The following SORBS2 variants were observed in gnomAD, a reference collection of about 807,000 sequenced individuals.
SORBS2 encodes sorbin and SH3 domain-containing protein 2.
A neutral mutation model predicts 97.7 loss-of-function variants in SORBS2; 46 were observed. The observed-to-expected ratio is 0.47, with a 90% CI of 0.37 to 0.60. The LOEUF (loss-of-function observed/expected upper bound fraction) is 0.60, where lower values mean the gene tolerates loss of function less well. SORBS2 is among the 20% of genes least tolerant of loss of function. The pLI is 0.00. For synonymous variants in SORBS2, 476 were observed against 473.4 expected, an observed-to-expected ratio of 1.01 and a Z score of -0.07; for missense variants, 1,316 against 1,282.3, an observed-to-expected ratio of 1.03 and a Z score of -0.40.
chr4:185,922,386 G>T (rs748679393), intron 1 of SORBS2, among the ~76,000 whole-genome samples: 7 of 152,138 alleles, frequency 4.6e-5, no homozygotes, highest in African/African-American at 1.2e-4. Context: ...TCTGGCTTTG[G>T]CACTGAGCAA....
chr4:185,830,743 C>A (rs2099204659), intron 1 of SORBS2, among the ~76,000 whole-genome samples: 1 of 152,154 alleles, frequency 6.6e-6, no homozygotes, highest in African/African-American at 2.4e-5. Context: ...CACCATTTGG[C>A]TAAGATTCTT....
chr4:185,923,444 C>G (rs925219434), intron 1 of SORBS2, among the ~76,000 whole-genome samples: 3 of 137,248 alleles, frequency 2.2e-5, no homozygotes, highest in Admixed American at 7.3e-5. Context: ...AGACATGCCA[C>G]CATGCTTGGC....
chr4:185,952,378 G>A lies in SORBS2; in HGVS notation c.-338+3818C>T, dbSNP rs149925502. Among the ~76,000 whole-genome samples the A allele has an allele frequency of 2.0e-5, 3 of 152,272 alleles. No individual in the cohort carries two copies. In the East Asian group the frequency reaches 5.8e-4, roughly 29 times the overall value. On this transcript the variant is annotated intron_variant, in intron 1 of 20. Transcript: ENST00000284776. ...ACCTCCAGGTGTTTGCATTTCAGTGGGATTAAAGGTGGTACTGAGGCCTGG... is the reference window on the plus strand; with the variant it reads ...ACCTCCAGGTGTTTGCATTTCAGTGAGATTAAAGGTGGTACTGAGGCCTGG...
chr4:185,639,309 G>T (rs1004404568), intron 4 of SORBS2, among the ~76,000 whole-genome samples: 4 of 152,226 alleles, frequency 2.6e-5, no homozygotes, highest in Non-Finnish European at 1.5e-5. Context: ...GGATGGCGGG[G>T]AAGGGGAGGG....
At chr4:185,716,612 C>T (rs2098467145) in intron 2 of SORBS2, among the ~76,000 whole-genome samples, 3 of 151,910 alleles carry the variant, frequency 2.0e-5, no homozygotes, top group Admixed American at 1.3e-4. Flanking sequence ...TTTTTAAGGG[C>T]GTCTACTAAA....
Position 185,751,398 on chromosome 4 carries a change from A to C in SORBS2, c.-198+23829T>G, listed in dbSNP as rs149603650. On this transcript the variant is annotated intron_variant, in intron 2 of 20. Transcript: ENST00000284776. ...AGATGAGACAAAGTGAGAAGAGATG[A>C]GACAAAGCAAGATGACAGAAGTTTG... Among the ~76,000 whole-genome samples the C allele has an allele frequency of 1.8e-3, 274 of 152,256 alleles. 1 individual carries two copies. Among genetic ancestry groups the C allele is most frequent in the African/African-American group, 6.3e-3 (263 of 41,550 alleles).
intron 4 of SORBS2, chr4:185,665,689 C>T (rs1181916656): frequency 3.3e-6 from 3 of 900,246 alleles, no homozygotes; most frequent in East Asian, 2.4e-4. Flanking sequence ...ACAAATCAGT[C>T]CTTTCAAGGA....
intron 1 of SORBS2, among the ~76,000 whole-genome samples, chr4:185,831,839 A>C (rs964386107): frequency 6.6e-6 from 1 of 152,184 alleles, no homozygotes; most frequent in Non-Finnish European, 1.5e-5. Context: ...GACTGAACTG[A>C]GGCAAAACTG....
intron 4 of SORBS2, among the ~76,000 whole-genome samples, chr4:185,664,429 T>C (rs183420089): frequency 6.6e-6 from 1 of 152,340 alleles, no homozygotes; most frequent in Admixed American, 6.5e-5. Flanking sequence ...TGATACCCTC[T>C]CACTGCCTTC....
chr4:185,783,840 C>T (rs1008953547), intron 1 of SORBS2, among the ~76,000 whole-genome samples: 2 of 152,162 alleles, frequency 1.3e-5, no homozygotes, highest in Admixed American at 6.5e-5. Flanking sequence ...GGATCATTTT[C>T]AGTTTGAGGT....
intron 2 of SORBS2, among the ~76,000 whole-genome samples, chr4:185,692,417 AT>A (rs2098114383): frequency 6.6e-6 from 1 of 152,202 alleles, no homozygotes; most frequent in Non-Finnish European, 1.5e-5. Context: ...ATAAATAAAG[AT>A]TTTTTAGTCT....
chr4:185,734,493 G>A lies in SORBS2; in HGVS notation c.-198+40734C>T, dbSNP rs1157339781. Among the ~76,000 whole-genome samples, 5 of 152,262 alleles carry A rather than the reference G, an allele frequency of 3.3e-5. No individual in the cohort carries two copies. In the East Asian group the frequency reaches 9.7e-4, roughly 29 times the overall value. ...CCTCATGGTTGGTTTTGCTGATTCA[G>A]TTCCTCTTTCCTTGCCCCCTATTTC... On this transcript the variant is annotated intron_variant, in intron 2 of 20. Transcript: ENST00000284776.
At chr4:185,905,926 G>T (rs1034131493) in intron 1 of SORBS2, among the ~76,000 whole-genome samples, 5 of 152,214 alleles carry the variant, frequency 3.3e-5, no homozygotes, top group African/African-American at 1.2e-4. Flanking sequence ...TCTGGGCCCA[G>T]CAAAGAGAGG....
At chr4:185,925,746 C>A (rs1297392490) in intron 1 of SORBS2, among the ~76,000 whole-genome samples, 2 of 152,128 alleles carry the variant, frequency 1.3e-5, no homozygotes, top group African/African-American at 4.8e-5. Flanking sequence ...ATTACCTCCT[C>A]TCAGAGTTAC....
chr4:185,664,868 T>C (rs1022333066), intron 4 of SORBS2, among the ~76,000 whole-genome samples: 1 of 152,048 alleles, frequency 6.6e-6, no homozygotes, highest in Non-Finnish European at 1.5e-5. Context: ...ATAATATCAA[T>C]TTAAAAAAAA....
chr4:185,671,373 C>CT (rs1392901022), intron 4 of SORBS2, among the ~76,000 whole-genome samples: 11 of 152,182 alleles, frequency 7.2e-5, no homozygotes. Context: ...TAAAAATCAG[C>CT]TTGTGTGAGA....
At chr4:185,731,750 A>T (rs542152450) in intron 2 of SORBS2, among the ~76,000 whole-genome samples, 1 of 8,354 alleles carries the variant, frequency 1.2e-4, no homozygotes, top group Non-Finnish European at 2.1e-4. Context: ...CTCCCTCCCT[A>T]TCTCTCTCCC....
chr4:185,682,406 T>C (rs994027478), intron 2 of SORBS2, among the ~76,000 whole-genome samples: 5 of 152,204 alleles, frequency 3.3e-5, no homozygotes, highest in Non-Finnish European at 7.3e-5. Context: ...TGTGCTCTGA[T>C]GGATTGTCCA....
At chr4:185,746,991 G>C (rs1182489929) in intron 2 of SORBS2, among the ~76,000 whole-genome samples, 2 of 152,190 alleles carry the variant, frequency 1.3e-5, no homozygotes, top group African/African-American at 2.4e-5. Flanking sequence ...ATCCAATCTA[G>C]CTGGTGTCCT....
Sources: allele counts gnomAD v4.1 joint callset (sites outside exome capture counted in the v4.1 genomes callset), GRCh38; gene constraint gnomAD v4.1.1; transcripts MANE v1.5; gene names NCBI Gene and HGNC (gene_info 2026-07-23, HGNC 2026-07-21).